Variants in ADGRV1 observed in about 807,000 individuals in gnomAD.
ADGRV1 encodes the protein G-protein coupled receptor 98.
ADGRV1 carries 359 observed loss-of-function variants against 596.2 expected under a neutral mutation model. The observed-to-expected ratio is 0.60, with a 90% CI of 0.55 to 0.66. The LOEUF is 0.66. ADGRV1 is among the 30% of genes least tolerant of loss of function. The pLI is 0.00. For missense variants in ADGRV1, 7,274 were observed against 7,575.6 expected (o/e 0.96, Z 1.48); for synonymous variants, 2,681 against 2,679.2 (o/e 1.00, Z -0.02).
intron 1 of ADGRV1, among the ~76,000 whole-genome samples, chr5:90,594,519 G>A (rs1302856015): frequency 3.1e-5 from 4 of 127,630 alleles, no homozygotes; most frequent in Admixed American, 7.5e-5. Context: ...TCATTCTTGG[G>A]TGTTTCTCAC....
At chr5:90,817,752 T>C (rs1763045533) in intron 75 of ADGRV1, among the ~76,000 whole-genome samples, 1 of 152,184 alleles carries the variant, frequency 6.6e-6, no homozygotes, top group African/African-American at 2.4e-5. Context: ...CTGAGGGCTC[T>C]GTTCTGTTCC....
chr5:90,656,510 C>T (rs975181864), intron 20 of ADGRV1, among the ~76,000 whole-genome samples: 1 of 152,166 alleles, frequency 6.6e-6, no homozygotes, highest in Admixed American at 6.5e-5. Context: ...GAACTTATAT[C>T]ATTACAGTTG....
intron 82 of ADGRV1, among the ~76,000 whole-genome samples, chr5:90,859,370 A>G (rs900274900): frequency 2.0e-5 from 3 of 152,156 alleles, no homozygotes; most frequent in African/African-American, 7.2e-5. Context: ...TATTTTTGCT[A>G]TGTGTCAAGT....
chr5:90,571,472 T>C (rs1402048238), intron 1 of ADGRV1, among the ~76,000 whole-genome samples: 1 of 152,196 alleles, frequency 6.6e-6, no homozygotes, highest in Non-Finnish European at 1.5e-5. Flanking sequence ...AAATGTCTCA[T>C]TGCCCAGTCT....
chr5:90,690,544 T>C (rs1399438514), intron 30 of ADGRV1, among the ~76,000 whole-genome samples: 1 of 152,176 alleles, frequency 6.6e-6, no homozygotes, highest in Admixed American at 6.5e-5. Context: ...TCACTGGACC[T>C]GTCACTCATG....
chr5:91,140,395 T>C (rs1257897591), intron 87 of ADGRV1, among the ~76,000 whole-genome samples: 1 of 152,152 alleles, frequency 6.6e-6, no homozygotes, highest in Admixed American at 6.5e-5. Context: ...TTCAAAAAGG[T>C]AATTAAAGGA....
intron 9 of ADGRV1, among the ~76,000 whole-genome samples, chr5:90,633,207 G>T (rs907393629): frequency 6.6e-6 from 1 of 151,992 alleles, no homozygotes; most frequent in Admixed American, 6.6e-5. Flanking sequence ...GACAAAAAAA[G>T]GCTTATAGGC....
chr5:90,846,126 A>C (rs1323331594), intron 78 of ADGRV1, among the ~76,000 whole-genome samples: 1 of 152,256 alleles, frequency 6.6e-6, no homozygotes, highest in Non-Finnish European at 1.5e-5. Context: ...CTTGAAACAG[A>C]TAAATCATTT....
intron 1 of ADGRV1, among the ~76,000 whole-genome samples, chr5:90,581,938 C>T (rs1211063213): frequency 6.6e-6 from 1 of 152,140 alleles, no homozygotes; most frequent in African/African-American, 2.4e-5. Flanking sequence ...TTTCAATGTT[C>T]ACCCAGGAGT....
At chr5:90,830,991 G>A (rs1013400353) in intron 77 of ADGRV1, among the ~76,000 whole-genome samples, 7 of 152,030 alleles carry the variant, frequency 4.6e-5, no homozygotes, top group Admixed American at 2.6e-4. Context: ...GGCTTTTTCC[G>A]GTCTCTGGAC....
intron 83 of ADGRV1, among the ~76,000 whole-genome samples, chr5:90,910,081 G>T (rs1286062080): frequency 2.0e-5 from 3 of 152,186 alleles, no homozygotes; most frequent in Non-Finnish European, 1.5e-5. Context: ...TTGAGGTATT[G>T]CTGTTTATGC....
At chr5:91,069,795 G>C (rs963667557) in intron 85 of ADGRV1, among the ~76,000 whole-genome samples, 1 of 152,038 alleles carries the variant, frequency 6.6e-6, no homozygotes, top group Admixed American at 6.6e-5. Context: ...TATCAAAAAA[G>C]ACACAAGTAC....
intron 1 of ADGRV1, among the ~76,000 whole-genome samples, chr5:90,613,640 C>G (rs1010839306): frequency 1.3e-5 from 2 of 152,038 alleles, no homozygotes; most frequent in African/African-American, 4.8e-5. Context: ...AGCTTATATC[C>G]CTTTCCTGGA....
chr5:90,945,983 A>T (rs1438455962), intron 83 of ADGRV1, among the ~76,000 whole-genome samples: 1 of 120,428 alleles, frequency 8.3e-6, no homozygotes, highest in Admixed American at 7.5e-5. Flanking sequence ...CCCTTTCTCA[A>T]AAAAAAGAAG....
chr5:90,624,155 C>T (rs763951384), intron 5 of ADGRV1, among the ~76,000 whole-genome samples: 9 of 152,060 alleles, frequency 5.9e-5, no homozygotes, highest in South Asian at 2.1e-4. Flanking sequence ...ATGTTAACTA[C>T]ACAGAACATA....
intron 59 of ADGRV1, among the ~76,000 whole-genome samples, chr5:90,773,095 G>T (rs1757865319): frequency 6.6e-6 from 1 of 151,958 alleles, no homozygotes; most frequent in African/African-American, 2.4e-5. Context: ...TTTGAACCTG[G>T]GAGGCAGAGG....
At chr5:91,023,387 G>A (rs779877940) in intron 85 of ADGRV1, among the ~76,000 whole-genome samples, 47 of 152,258 alleles carry the variant, frequency 3.1e-4, no homozygotes, top group Admixed American at 1.4e-3. Context: ...AGGAAGTGAG[G>A]AAGGTGAGGT....
At chr5:90,659,026 G>C (rs897545166) in intron 21 of ADGRV1, among the ~76,000 whole-genome samples, 4 of 152,174 alleles carry the variant, frequency 2.6e-5, no homozygotes, top group Non-Finnish European at 5.9e-5. Context: ...AAATGGATGA[G>C]TAGAGTTTGA....
chr5:90,943,496 C>T (rs1417745958), intron 83 of ADGRV1, among the ~76,000 whole-genome samples: 4 of 152,136 alleles, frequency 2.6e-5, no homozygotes, highest in African/African-American at 9.7e-5. Flanking sequence ...ACCTTCTTGT[C>T]CTTAAGATCA....
Sources: gnomAD v4.1 joint callset for allele counts (sites outside exome capture counted in the v4.1 genomes callset) on GRCh38, gnomAD v4.1.1 for gene constraint, MANE v1.5 for transcripts, NCBI Gene and HGNC (gene_info 2026-07-23, HGNC 2026-07-21) for gene names.